The following SCN7A variants were observed in gnomAD, a reference collection of about 807,000 sequenced individuals.
The protein encoded by SCN7A is sodium voltage-gated channel alpha subunit 7, also known as sodium channel protein type 7 subunit alpha.
SCN7A carries 138 observed loss-of-function variants against 155.2 expected under a neutral mutation model. The observed-to-expected ratio is 0.89, with a 90% CI of 0.77 to 1.02. The LOEUF (loss-of-function observed/expected upper bound fraction) is 1.02, where lower values mean the gene tolerates loss of function less well. Among genes scored for constraint, SCN7A ranks in the 50% least tolerant of loss-of-function variants. The pLI is 0.00. For missense variants in SCN7A, 2,058 were observed against 1,986.6 expected (o/e 1.04, Z -0.68); for synonymous variants, 693 against 649.0 (o/e 1.07, Z -1.03).
intron 20 of SCN7A, 49 bp downstream of exon 20, chr2:166,421,141 G>A (rs2105389681): frequency 8.2e-7 from 1 of 1,222,868 alleles, no homozygotes; most frequent in Admixed American, 2.7e-5. Flanking sequence ...TGCAAATTTA[G>A]TAATTCCAAA....
intron 1 of SCN7A, among the ~76,000 whole-genome samples, chr2:166,489,177 C>T (rs1384447286): frequency 6.6e-6 from 1 of 152,136 alleles, no homozygotes; most frequent in Non-Finnish European, 1.5e-5. Context: ...TATGTCTGTG[C>T]TCATACGGAA....
chr2:166,445,597 C>T (rs976216227), intron 12 of SCN7A, among the ~76,000 whole-genome samples: 3 of 151,944 alleles, frequency 2.0e-5, no homozygotes, highest in Non-Finnish European at 4.4e-5. Context: ...CTCTCTCTCT[C>T]TCTTTTTTGT....
At chr2:166,463,315 C>G (rs528585721) in intron 9 of SCN7A, among the ~76,000 whole-genome samples, 8 of 152,300 alleles carry the variant, frequency 5.3e-5, no homozygotes, top group Non-Finnish European at 7.3e-5. Flanking sequence ...CATGCTTCCT[C>G]TCTCCACGCC....
chr2:166,455,316 A>G (rs974931733), intron 11 of SCN7A, among the ~76,000 whole-genome samples: 15 of 152,166 alleles, frequency 9.9e-5, no homozygotes, highest in Admixed American at 5.9e-4. Context: ...ATGTACTCCA[A>G]GACCTTAAAA....
chr2:166,456,815 T>TACATAG lies in SCN7A; in HGVS notation c.1290+54_1290+55insCTATGT, dbSNP rs1470356253. ...GTTTCAAGACTAAAATATATATATATATATATATATATATAGATAGATAGA... is the reference window on the plus strand; with the variant it reads ...GTTTCAAGACTAAAATATATATATATACATAGATATATATATATATAGATAGATAGA... On this transcript the variant is annotated intron_variant, in intron 11 of 25. Coordinates refer to ENST00000643258, the MANE Select transcript of SCN7A (RefSeq NM_002976.4). 1.5e-4 allele frequency: 69 copies of TACATAG among 453,446 alleles called. 6 individuals are homozygous for TACATAG. The Middle Eastern group carries it at 3.3e-3, about 22-fold the overall frequency. 28.1% of individuals were successfully genotyped at this position (453,446 alleles called of 1,614,324 possible).
intron 20 of SCN7A, among the ~76,000 whole-genome samples, chr2:166,418,700 G>T (rs1344848721): frequency 1.6e-4 from 25 of 151,876 alleles, no homozygotes; most frequent in Admixed American, 1.6e-3. Context: ...TATTTTGAAA[G>T]GTCCATTAAT....
Position 166,427,845 on chromosome 2 carries a change from C to T in SCN7A, c.2796G>A (p.Glu932=), listed in dbSNP as rs1208348940. 6.2e-7 allele frequency: 1 copy of T among 1,612,218 alleles called. No homozygotes were observed. Among genetic ancestry groups the T allele is most frequent in the African/African-American group, 1.3e-5 (1 of 74,854 alleles). The change falls in exon 18 of 26, where the codon GAG becomes GAA. Residue 932 remains glutamate (E), a synonymous_variant. Coordinates refer to ENST00000643258, the MANE Select transcript of SCN7A (RefSeq NM_002976.4). The part of the protein sequence containing the change: ...NIRKTCCKIV[E]NNWFKCFIGL... ...CAATAAAACACTTAAACCAATTGTT[C>T]TCTACAATCTTGCAGCAGGTTTTCC...
intron 20 of SCN7A, among the ~76,000 whole-genome samples, chr2:166,418,284 CTT>C (rs71031244): frequency 4.5e-4 from 27 of 60,670 alleles, no homozygotes; most frequent in Non-Finnish European, 8.0e-4. Flanking sequence ...CCCCGCCAGG[CTT>C]TTTTTTTTTT....
chr2:166,438,626 T>A (rs562972183), intron 15 of SCN7A, among the ~76,000 whole-genome samples: 23 of 152,158 alleles, frequency 1.5e-4, no homozygotes, highest in Non-Finnish European at 2.6e-4. Flanking sequence ...CAAAATTAAT[T>A]TTTTAAAATG....
Position 166,456,823 on chromosome 2 carries a change from T to TAGATAG in SCN7A, c.1290+46_1290+47insCTATCT, listed in dbSNP as rs756534903. ...ACTAAAATATATATATATATATATA[T>TAGATAG]ATATATAGATAGATAGATAGATAGA... is the stretch of plus-strand genomic sequence containing the variant. On this transcript the variant is annotated intron_variant, in intron 11 of 25. Transcript: ENST00000643258. The TAGATAG allele has an allele frequency of 3.0e-3, 1,867 of 632,182 alleles. 21 individuals carry two copies. Among genetic ancestry groups the TAGATAG allele is most frequent in the African/African-American group, 0.025 (1,107 of 43,938 alleles). The allele number at this position is 632,182 out of a possible 1,614,324, so 39.2% of individuals were successfully genotyped here. A position where few individuals can be genotyped will look rare whatever the true frequency, so the allele number is the denominator to read the frequency against.
chr2:166,448,948 G>A (rs1159754120), intron 11 of SCN7A, among the ~76,000 whole-genome samples: 1 of 152,210 alleles, frequency 6.6e-6, no homozygotes, highest in South Asian at 2.1e-4. Context: ...GATTTATAAG[G>A]GTTGTCTTAG....
chr2:166,485,102 A>G (rs1277817419), intron 2 of SCN7A, among the ~76,000 whole-genome samples: 1 of 152,182 alleles, frequency 6.6e-6, no homozygotes, highest in Non-Finnish European at 1.5e-5. Context: ...ACTGAGTGAC[A>G]AAAACATTGT....
chr2:166,427,910 T>C lies in SCN7A; in HGVS notation c.2731A>G (p.Ser911Gly). 6.2e-7 allele frequency: 1 copy of C among 1,612,892 alleles called. No homozygotes were observed. Among genetic ancestry groups the C allele is most frequent in the Non-Finnish European group, 8.5e-7 (1 of 1,179,278 alleles). The change falls in exon 18 of 26, where the codon AGT (serine) becomes GGT (glycine). Residue 911 changes from serine to glycine, a missense_variant. Physicochemically the swap from Ser to Gly is moderately conservative, Grantham distance 56 (BLOSUM62 0). Coordinates refer to ENST00000643258, the MANE Select transcript of SCN7A (RefSeq NM_002976.4). ...CRRGSSLGQI[S>G]GASKKGKIWQ... ...ATTTTTCCTTTCTTGGATGCTCCAC[T>C]GATTTGACCAAGTGAAGATCCGCGT...
At chr2:166,456,341 C>A (rs1401111025) in intron 11 of SCN7A, among the ~76,000 whole-genome samples, 1 of 151,908 alleles carries the variant, frequency 6.6e-6, no homozygotes, top group Non-Finnish European at 1.5e-5. Context: ...ATATCCAGAA[C>A]TGGACATATA....
At position 166,472,298 on chromosome 2, in the gene SCN7A, A is replaced by C; in HGVS notation, c.572+19T>G. The C allele has an allele frequency of 1.3e-6, 2 of 1,570,172 alleles. No individual in the cohort carries two copies. The highest frequency in any genetic ancestry group is 2.4e-5 in the South Asian group (2 of 83,772). On this transcript the variant is annotated intron_variant, in intron 6 of 25. Transcript: ENST00000643258. The stretch of plus-strand genomic sequence containing the variant: ...CTGAGCAAAACATTAAAATAGACTC[A>C]ATTTAAAGAAATACTCACTCAAACA...
intron 11 of SCN7A, among the ~76,000 whole-genome samples, chr2:166,451,702 C>G (rs1266432564): frequency 6.6e-6 from 1 of 152,166 alleles, no homozygotes; most frequent in Non-Finnish European, 1.5e-5. Flanking sequence ...CACATCTCAA[C>G]TGAAGTGTCA....
chr2:166,491,023 A>G (rs956757079), intron 1 of SCN7A, among the ~76,000 whole-genome samples: 1 of 152,210 alleles, frequency 6.6e-6, no homozygotes, highest in Non-Finnish European at 1.5e-5. Flanking sequence ...AGAGCCTGTA[A>G]TCAAGTGCTT....
chr2:166,410,192 G>T (rs1162504494), intron 24 of SCN7A, 28 bp downstream of exon 24: 5 of 1,470,454 alleles, frequency 3.4e-6, no homozygotes, highest in Non-Finnish European at 4.6e-6. Context: ...CTCCATTGAA[G>T]TTTCAAAAAA....
rs1021419588 is a variant in SCN7A, at chr2:166,465,376, G to C, written c.941+86C>G. ...TGAAATGAGATAATACAATCAAATG[G>C]GAAGCAACAGTAAAAGCAATAGTCC... is the stretch of plus-strand genomic sequence containing the variant. On this transcript the variant is annotated intron_variant, in intron 9 of 25. Transcript: ENST00000643258. 6.5e-6 allele frequency: 6 copies of C among 921,540 alleles called. No individual in the cohort carries two copies. The African/African-American group carries it at 6.7e-5, about 10-fold the overall frequency. 57.1% of individuals were successfully genotyped at this position (921,540 alleles called of 1,614,324 possible).
Sources: gnomAD v4.1 joint callset for allele counts (sites outside exome capture counted in the v4.1 genomes callset) on GRCh38, gnomAD v4.1.1 for gene constraint, MANE v1.5 for transcripts, NCBI Gene and HGNC (gene_info 2026-07-23, HGNC 2026-07-21) for gene names.